RXRA: variants seen among roughly 807,000 people sequenced by gnomAD.
RXRA encodes retinoic acid receptor RXR-alpha.
Under a neutral mutation model 44.5 loss-of-function variants are expected in RXRA, and 5 were observed. The observed-to-expected ratio is 0.11, with a 90% CI of 0.06 to 0.24. The LOEUF is 0.24. Among genes scored for constraint, RXRA ranks in the 10% least tolerant of loss-of-function variants. RXRA has a pLI of 1.00. For synonymous variants in RXRA, 291 were observed against 271.4 expected (o/e 1.07, Z -0.71); for missense variants, 412 against 646.5 (o/e 0.64, Z 3.93).
chr9:134,402,080 G>C (rs1830972205), intron 2 of RXRA, 198 bp downstream of exon 2: 1 of 579,920 alleles, frequency 1.7e-6, no homozygotes, highest in Admixed American at 3.3e-5. Flanking sequence ...TGCTGAGCCT[G>C]GGCCTTTGGA....
Position 134,430,598 on chromosome 9 carries a change from G to A in RXRA, c.1044-1307G>A, listed in dbSNP as rs940747866. Among the ~76,000 whole-genome samples the A allele has an allele frequency of 1.9e-4, 29 of 151,958 alleles. 1 individual carries two copies. Among genetic ancestry groups the A allele is most frequent in the Admixed American group, 1.1e-3 (17 of 15,242 alleles). On this transcript the variant is annotated intron_variant, in intron 7 of 9. Coordinates refer to ENST00000481739, the MANE Select transcript of RXRA (RefSeq NM_002957.6). The stretch of plus-strand genomic sequence containing the variant: ...AACAGTGTCCTTGAGGGTCTTTGCC[G>A]CAGGACTTGTCAGGGCCTTTAAGAA...
In RXRA at chr9:134,326,466, T is replaced by C. The variant is rs1834909733; in HGVS notation, c.-166T>C. 7.3e-6 allele frequency: 1 copy of C among 136,958 alleles called. No homozygotes were observed. The highest frequency in any genetic ancestry group is 2.6e-5 in the African/African-American group (1 of 38,138). The allele number at this position is 136,958 out of a possible 1,614,324, so 8.5% of individuals were successfully genotyped here. A position where few individuals can be genotyped will look rare whatever the true frequency, so the allele number is the denominator to read the frequency against. On this transcript the variant is annotated 5_prime_UTR_variant, in exon 1 of 10. Coordinates refer to ENST00000481739, the MANE Select transcript of RXRA (RefSeq NM_002957.6). Reference sequence around the variant, plus strand: ...GCGCAGACACAAGTAGTTTACATTGTTGGGCGACTTTTGCAACAACTCGCC... The same window carrying C: ...GCGCAGACACAAGTAGTTTACATTGCTGGGCGACTTTTGCAACAACTCGCC...
chr9:134,409,252 G>C, intron 4 of RXRA, 133 bp downstream of exon 4: 1 of 932,506 alleles, frequency 1.1e-6, no homozygotes, highest in Non-Finnish European at 1.5e-6. Context: ...GCCAAGGCAG[G>C]AGTGGGGGCG....
chr9:134,381,752 G>C (rs892787794), intron 1 of RXRA, among the ~76,000 whole-genome samples: 1 of 152,096 alleles, frequency 6.6e-6, no homozygotes, highest in Non-Finnish European at 1.5e-5. Context: ...AGCGGCCCTG[G>C]TTAGGGCTTT....
At chr9:134,413,701 T>C (rs1831188757) in intron 4 of RXRA, among the ~76,000 whole-genome samples, 1 of 152,324 alleles carries the variant, frequency 6.6e-6, no homozygotes, top group East Asian at 1.9e-4. Flanking sequence ...CGGAGCTGTC[T>C]GCCCTTCCCC....
At chr9:134,376,781 A>G (rs1184193982) in intron 1 of RXRA, among the ~76,000 whole-genome samples, 1 of 152,140 alleles carries the variant, frequency 6.6e-6, no homozygotes, top group East Asian at 1.9e-4. Flanking sequence ...CTTGCAGCTG[A>G]GACCAGCCAG....
intron 6 of RXRA, chr9:134,425,461 G>A: frequency 1.0e-6 from 1 of 983,666 alleles, no homozygotes; most frequent in Non-Finnish European, 1.2e-6. Flanking sequence ...ATCCCAGGCT[G>A]TTGCTTTCCA....
intron 6 of RXRA, 116 bp downstream of exon 6, chr9:134,421,921 C>T: frequency 6.5e-7 from 1 of 1,530,328 alleles, no homozygotes; most frequent in Non-Finnish European, 8.7e-7. Flanking sequence ...TCCTGGGACA[C>T]TCCCCCCTCC....
chr9:134,397,852 G>T (rs1830902153), intron 1 of RXRA, among the ~76,000 whole-genome samples: 1 of 152,212 alleles, frequency 6.6e-6, no homozygotes, highest in Non-Finnish European at 1.5e-5. Context: ...GTGTCTGCTG[G>T]CTCCCGGGTT....
intron 1 of RXRA, among the ~76,000 whole-genome samples, chr9:134,369,822 C>T (rs973953463): frequency 6.6e-6 from 1 of 152,106 alleles, no homozygotes; most frequent in Non-Finnish European, 1.5e-5. Context: ...CCAGAGGTCC[C>T]CTCCTCCTAG....
intron 1 of RXRA, among the ~76,000 whole-genome samples, chr9:134,391,965 C>T (rs1830806856): frequency 6.6e-6 from 1 of 152,226 alleles, no homozygotes; most frequent in African/African-American, 2.4e-5. Context: ...GTTGGCCTGG[C>T]GTGCACCTGC....
In RXRA at chr9:134,424,254, C is replaced by T. The variant is rs886750305; in HGVS notation, c.910+2449C>T. On this transcript the variant is annotated intron_variant, in intron 6 of 9. Coordinates refer to ENST00000481739, the MANE Select transcript of RXRA (RefSeq NM_002957.6). Reference sequence around the variant, plus strand: ...AAGGCCCTTCCCTTAGCCCAGAGCCCTGGTGCCATGAGTCCCCAGGCCCTT... The same window carrying T: ...AAGGCCCTTCCCTTAGCCCAGAGCCTTGGTGCCATGAGTCCCCAGGCCCTT... 7.1e-5 allele frequency: 70 copies of T among 985,404 alleles called. No individual in the cohort carries two copies. The African/African-American group carries it at 1.2e-3, about 16-fold the overall frequency. 61.0% of individuals were successfully genotyped at this position (985,404 alleles called of 1,614,324 possible). A position where few individuals can be genotyped will look rare whatever the true frequency, so the allele number is the denominator to read the frequency against.
intron 1 of RXRA, among the ~76,000 whole-genome samples, chr9:134,400,843 C>T (rs777536480): frequency 6.6e-6 from 1 of 152,200 alleles, no homozygotes; most frequent in Non-Finnish European, 1.5e-5. Context: ...CAGCGTCCAG[C>T]CCACCGCCCA....
intron 3 of RXRA, 55 bp from the exon 4 acceptor site, chr9:134,408,885 G>C (rs1258152283): frequency 7.0e-7 from 1 of 1,429,882 alleles, no homozygotes; most frequent in Non-Finnish European, 9.2e-7. Flanking sequence ...ATGGGGGGTG[G>C]GCTCCCTGCC....
Position 134,367,891 on chromosome 9 carries a change from G to T in RXRA, c.29-33741G>T, listed in dbSNP as rs1830433830. Among the ~76,000 whole-genome samples, 5 of 152,268 alleles carry T rather than the reference G, an allele frequency of 3.3e-5. No homozygotes were observed. In the South Asian group the frequency reaches 1.0e-3, roughly 31 times the overall value. ...CAGCCAGCAGTTTTGTGCTGACCCTGCAGGAACTGCTAATTAAGCTAATAG... is the reference window on the plus strand; with the variant it reads ...CAGCCAGCAGTTTTGTGCTGACCCTTCAGGAACTGCTAATTAAGCTAATAG... On this transcript the variant is annotated intron_variant, in intron 1 of 9. Transcript: ENST00000481739.
intron 5 of RXRA, among the ~76,000 whole-genome samples, chr9:134,421,065 G>A (rs1188213017): frequency 6.6e-6 from 1 of 152,218 alleles, no homozygotes; most frequent in Non-Finnish European, 1.5e-5. Context: ...CCCTGCTCCA[G>A]TGCTGCCCAT....
chr9:134,350,912 C>G (rs1236208744), intron 1 of RXRA, among the ~76,000 whole-genome samples: 3 of 152,250 alleles, frequency 2.0e-5, no homozygotes, highest in African/African-American at 7.2e-5. Flanking sequence ...ACGTCAGCAC[C>G]TCGGCTGTGT....
intron 1 of RXRA, among the ~76,000 whole-genome samples, chr9:134,337,266 C>T (rs1250053662): frequency 3.3e-5 from 5 of 152,152 alleles, no homozygotes; most frequent in East Asian, 1.9e-4. Context: ...AGGCCAGCCA[C>T]GAGGGAAGTA....
At chr9:134,337,628 G>T (rs1030652266) in intron 1 of RXRA, among the ~76,000 whole-genome samples, 1 of 152,198 alleles carries the variant, frequency 6.6e-6, no homozygotes, top group African/African-American at 2.4e-5. Context: ...GCTCACCCTG[G>T]CATGCAGAGA....
Sources: allele counts gnomAD v4.1 joint callset (sites outside exome capture counted in the v4.1 genomes callset), GRCh38; gene constraint gnomAD v4.1.1; transcripts MANE v1.5; gene names NCBI Gene and HGNC (gene_info 2026-07-23, HGNC 2026-07-21).